NPHP4: variants seen among roughly 807,000 people sequenced by gnomAD.
NPHP4 encodes the protein nephrocystin 4.
NPHP4 carries 151 observed loss-of-function variants against 155.8 expected under a neutral mutation model. The observed-to-expected ratio is 0.97, with a 90% CI of 0.85 to 1.11. NPHP4 has a LOEUF of 1.11. Among genes scored for constraint, NPHP4 ranks in the 50% least tolerant of loss-of-function variants. The pLI, the probability that NPHP4 is intolerant of heterozygous loss-of-function variation, is 0.00. For missense variants in NPHP4, 1,956 were observed against 1,925.7 expected, an observed-to-expected ratio of 1.02 and a Z score of -0.29; for synonymous variants, 845 against 816.8, an observed-to-expected ratio of 1.03 and a Z score of -0.59.
Position 5,887,431 on chromosome 1 carries a change from G to T in NPHP4, c.2340C>A (p.Ala780=). The stretch of plus-strand genomic sequence containing the variant: ...TTGCCACGACCTCAAGCTCGTGGGA[G>T]GCCTGCACAGCCGGCCGGCCTTGGC... The part of the protein sequence containing the change: ...LLRQGRPAVQ[A]SHELEVVATE... The change falls in exon 18 of 30, where the codon GCC becomes GCA. Residue 780 remains alanine, a synonymous_variant. Transcript: ENST00000378156. The T allele has an allele frequency of 1.2e-6, 2 of 1,613,348 alleles. No individual in the cohort carries two copies. Among genetic ancestry groups the T allele is most frequent in the Non-Finnish European group, 1.7e-6 (2 of 1,179,886 alleles).
intron 16 of NPHP4, among the ~76,000 whole-genome samples, chr1:5,903,600 C>A (rs1644776256): frequency 6.6e-6 from 1 of 151,974 alleles, no homozygotes; most frequent in African/African-American, 2.4e-5. Context: ...TACAATGATA[C>A]CCGAAGAAAA....
intron 20 of NPHP4, chr1:5,876,494 G>A (rs1642622044): frequency 6.6e-6 from 1 of 152,316 alleles, no homozygotes; most frequent in African/African-American, 2.4e-5. Flanking sequence ...TTGCTGGCAG[G>A]GAGGCTGAGT....
chr1:5,878,208 A>G (rs1428499136), intron 19 of NPHP4, among the ~76,000 whole-genome samples: 1 of 152,186 alleles, frequency 6.6e-6, no homozygotes, highest in East Asian at 1.9e-4. Context: ...TGTATGGGGC[A>G]TGGGCACCCC....
intron 3 of NPHP4, among the ~76,000 whole-genome samples, chr1:5,977,115 C>G (rs1270345953): frequency 1.3e-5 from 2 of 152,144 alleles, no homozygotes; most frequent in Admixed American, 1.3e-4. Flanking sequence ...GACACCATCC[C>G]TCTCAAACTC....
At chr1:5,984,652 C>T (rs769335801) in intron 2 of NPHP4, among the ~76,000 whole-genome samples, 4 of 152,124 alleles carry the variant, frequency 2.6e-5, no homozygotes, top group Admixed American at 6.5e-5. Flanking sequence ...GAAAGTTGTA[C>T]GAAAACACAC....
chr1:5,907,307 G>A, intron 12 of NPHP4, 85 bp from the exon 13 acceptor site: 1 of 840,526 alleles, frequency 1.2e-6, no homozygotes, highest in Non-Finnish European at 1.8e-6. Flanking sequence ...GCCACACCGG[G>A]GAACGGGGTA....
At position 5,986,185 on chromosome 1, in the gene NPHP4, G is replaced by T. The variant is rs1259706450; in HGVS notation, c.105C>A (p.Leu35=). The T allele has an allele frequency of 6.2e-7, 1 of 1,613,892 alleles. No homozygotes were observed. Among genetic ancestry groups the T allele is most frequent in the Admixed American group, 1.7e-5 (1 of 60,020 alleles). Residue 35 remains leucine, a synonymous_variant, in exon 2 of 30, where the codon CTC becomes CTA. Transcript: ENST00000378156. ...TAATTACCGGTCCGTCCAGCCACTT[G>T]AGGACACACTGGAATGCCGTGGATT... is the stretch of plus-strand genomic sequence containing the variant. ...WKESTAFQCV[L]KWLDGPVIRQ...
At chr1:5,873,165 C>A in intron 23 of NPHP4, 87 bp downstream of exon 23, 1 of 1,220,760 alleles carries the variant, frequency 8.2e-7, no homozygotes, top group Admixed American at 1.8e-5. Context: ...GCCCTCCCCT[C>A]CAGGAGGGGA....
intron 19 of NPHP4, chr1:5,879,718 A>C: frequency 2.2e-6 from 1 of 444,508 alleles, no homozygotes; most frequent in South Asian, 1.7e-5. Context: ...CGAGCTGCAT[A>C]TGGACAGCAC....
At chr1:5,875,624 C>T (rs978871888) in intron 20 of NPHP4, among the ~76,000 whole-genome samples, 4 of 152,188 alleles carry the variant, frequency 2.6e-5, no homozygotes, top group South Asian at 4.1e-4. Context: ...GCTCTGATGC[C>T]GCAGGGACTC....
chr1:5,873,242 G>A lies in NPHP4; in HGVS notation c.3315+10C>T, dbSNP rs1642197005. The A allele has an allele frequency of 6.2e-7, 1 of 1,608,982 alleles. No individual in the cohort carries two copies. Among genetic ancestry groups the A allele is most frequent in the Non-Finnish European group, 8.5e-7 (1 of 1,175,328 alleles). Reference sequence around the variant, plus strand: ...CCCCGAGATCAGTTTGTCCTCCGTTGCCCCTTTACCTTGGCGTGTTTAGTG... The same window carrying A: ...CCCCGAGATCAGTTTGTCCTCCGTTACCCCTTTACCTTGGCGTGTTTAGTG... On this transcript the variant is annotated intron_variant, in intron 23 of 29. Coordinates refer to ENST00000378156, the MANE Select transcript of NPHP4 (RefSeq NM_015102.5).
intron 19 of NPHP4, chr1:5,879,320 T>G (rs1642964685): frequency 3.0e-6 from 1 of 335,482 alleles, no homozygotes; most frequent in Non-Finnish European, 5.9e-6. Flanking sequence ...GACAAGTACT[T>G]TATACTCAGG....
intron 2 of NPHP4, 23 bp from the exon 3 acceptor site, chr1:5,978,436 C>T (rs747707344): frequency 2.3e-5 from 37 of 1,591,108 alleles, no homozygotes; most frequent in Non-Finnish European, 3.2e-5. Flanking sequence ...GGGGAATTGA[C>T]CCTCAAGAGT....
chr1:5,919,526 G>A (rs1303735231), intron 11 of NPHP4, among the ~76,000 whole-genome samples: 1 of 152,166 alleles, frequency 6.6e-6, no homozygotes, highest in African/African-American at 2.4e-5. Flanking sequence ...GCACATCACA[G>A]ACTCTCCGCA....
intron 9 of NPHP4, among the ~76,000 whole-genome samples, chr1:5,942,788 T>C (rs985284622): frequency 6.6e-5 from 10 of 152,032 alleles, no homozygotes; most frequent in African/African-American, 2.4e-4. Flanking sequence ...ACATAAACAA[T>C]AAATCAGGCA....
intron 11 of NPHP4, among the ~76,000 whole-genome samples, chr1:5,914,219 G>A (rs775235418): frequency 5.6e-5 from 7 of 125,310 alleles, no homozygotes; most frequent in African/African-American, 1.2e-4. Flanking sequence ...CCAGAAGTTC[G>A]AGATTAGCCT....
chr1:5,905,157 T>C lies in NPHP4; in HGVS notation c.1955+135A>G. The C allele has an allele frequency of 1.3e-6, 1 of 745,236 alleles. No homozygotes were observed. The highest frequency in any genetic ancestry group is 1.7e-5 in the South Asian group (1 of 59,350). 46.2% of individuals were successfully genotyped at this position (745,236 alleles called of 1,614,324 possible). A position where few individuals can be genotyped will look rare whatever the true frequency, so the allele number is the denominator to read the frequency against. On this transcript the variant is annotated intron_variant, in intron 15 of 29. Coordinates refer to ENST00000378156, the MANE Select transcript of NPHP4 (RefSeq NM_015102.5). This position sits in a 1 kb window ranked among gnomAD's most constrained non-coding sequence, Gnocchi z 4.0. ...TGGGTGGGTCCTAGCCAAGAGAAGA[T>C]AAAAACAGATGGCACTCCCGAATCT...
At chr1:5,930,501 A>G (rs923213659) in intron 10 of NPHP4, among the ~76,000 whole-genome samples, 5 of 152,164 alleles carry the variant, frequency 3.3e-5, no homozygotes, top group African/African-American at 4.8e-5. Context: ...TAAGTTCACA[A>G]TATCTTCTAT....
intron 4 of NPHP4, among the ~76,000 whole-genome samples, chr1:5,968,065 C>A (rs1442336498): frequency 6.6e-6 from 1 of 151,992 alleles, no homozygotes; most frequent in Non-Finnish European, 1.5e-5. Flanking sequence ...GCCTGCCAGG[C>A]ACCTGTGAAA....
Sources: allele counts gnomAD v4.1 joint callset (sites outside exome capture counted in the v4.1 genomes callset), GRCh38; gene constraint gnomAD v4.1.1; non-coding constraint Gnocchi (gnomAD v3.1); transcripts MANE v1.5; gene names NCBI Gene and HGNC (gene_info 2026-07-23, HGNC 2026-07-21).